Variants in CFAP57 observed in about 807,000 individuals in gnomAD.
CFAP57 encodes cilia- and flagella-associated protein 57.
CFAP57 carries 116 observed loss-of-function variants against 146.8 expected under a neutral mutation model. The ratio of observed to expected loss-of-function variants is 0.79; its 90% CI spans 0.68 to 0.92. CFAP57 has a LOEUF of 0.92. CFAP57 is among the 40% of genes least tolerant of loss of function. The probability of loss-of-function intolerance (pLI) is 0.00; values close to 1 mark genes in which losing one functional copy is unlikely to be tolerated. For missense variants in CFAP57, 1,377 were observed against 1,527.2 expected (o/e 0.90, Z 1.64); for synonymous variants, 518 against 552.8 (o/e 0.94, Z 0.88).
At chr1:43,183,913 A>G (rs1645526324) in intron 4 of CFAP57, 36 bp downstream of exon 4, 3 of 1,612,040 alleles carry the variant, frequency 1.9e-6, no homozygotes, top group East Asian at 2.2e-5. Flanking sequence ...TCCCACATTC[A>G]TTGTACTGAC....
chr1:43,174,288 A>G (rs1452709708), intron 2 of CFAP57, among the ~76,000 whole-genome samples: 6 of 152,160 alleles, frequency 3.9e-5, no homozygotes, highest in African/African-American at 1.4e-4. Flanking sequence ...AAATTTATCA[A>G]CCACATAATA....
At chr1:43,180,241 A>AAT (rs1645347883) in intron 2 of CFAP57, among the ~76,000 whole-genome samples, 2 of 145,704 alleles carry the variant, frequency 1.4e-5, no homozygotes, top group African/African-American at 5.1e-5. Context: ...ATATATATAA[A>AAT]ATATATATAC....
At chr1:43,218,223 T>C (rs1644911639) in intron 12 of CFAP57, among the ~76,000 whole-genome samples, 1 of 152,216 alleles carries the variant, frequency 6.6e-6, no homozygotes, top group East Asian at 1.9e-4. Flanking sequence ...ACCCACTCTG[T>C]CATCAACATT....
intron 9 of CFAP57, among the ~76,000 whole-genome samples, chr1:43,203,292 A>G (rs1410294321): frequency 1.3e-5 from 2 of 152,138 alleles, no homozygotes; most frequent in East Asian, 1.9e-4. Context: ...GGAAAAAAAA[A>G]TAACACTATC....
intron 21 of CFAP57, among the ~76,000 whole-genome samples, chr1:43,239,066 C>A (rs1254793421): frequency 6.6e-6 from 1 of 151,964 alleles, no homozygotes; most frequent in African/African-American, 2.4e-5. Flanking sequence ...CCTCTGTCTC[C>A]CCTGGGGTTG....
At position 43,238,276 on chromosome 1, in the gene CFAP57, T is replaced by C. The variant is rs1645778683; in HGVS notation, c.3405+3638T>C. ...AAGGCATCGACTCAGGCCATGCCATTAGGGGGTGCTGTAGGCATTCCCTTC... is the reference window on the plus strand; with the variant it reads ...AAGGCATCGACTCAGGCCATGCCATCAGGGGGTGCTGTAGGCATTCCCTTC... On this transcript the variant is annotated intron_variant, in intron 21 of 22. Coordinates refer to ENST00000372492, the MANE Select transcript of CFAP57 (RefSeq NM_001378189.1). The surrounding 1 kb of genome is among the most constrained non-coding windows in gnomAD (Gnocchi z 4.3). Among the ~76,000 whole-genome samples the C allele has an allele frequency of 6.6e-6, 1 of 152,174 alleles. No homozygotes were observed. Among genetic ancestry groups the C allele is most frequent in the Admixed American group, 6.5e-5 (1 of 15,276 alleles).
rs760050120 is a variant in CFAP57, at chr1:43,224,090, C to A, written c.2751C>A (p.Ile917=). The A allele has an allele frequency of 6.1e-5, 94 of 1,550,356 alleles. No individual in the cohort carries two copies. The highest frequency in any genetic ancestry group is 7.6e-5 in the Non-Finnish European group (87 of 1,146,970). The change falls in exon 17 of 23, where the codon ATC becomes ATA. Residue 917 remains isoleucine (I), a synonymous_variant. Coordinates refer to ENST00000372492, the MANE Select transcript of CFAP57 (RefSeq NM_001378189.1). ...AGATTGAAGAACGAACCAATGACAT[C>A]GAGACCCTAAAAGGAGAGCAGATGA... is the stretch of plus-strand genomic sequence containing the variant. ...QKEIEERTND[I]ETLKGEQMKL... is the part of the protein sequence containing the mutation.
chr1:43,247,505 G>A (rs1292668395), intron 22 of CFAP57, among the ~76,000 whole-genome samples: 1 of 152,196 alleles, frequency 6.6e-6, no homozygotes, highest in African/African-American at 2.4e-5. Flanking sequence ...AGGCATGTAT[G>A]TGAGATTTGG....
chr1:43,218,498 C>G (rs1018835544), intron 12 of CFAP57, among the ~76,000 whole-genome samples: 1 of 151,870 alleles, frequency 6.6e-6, no homozygotes, highest in Non-Finnish European at 1.5e-5. Context: ...GTCCCAGCTA[C>G]TTGGCAGGCT....
chr1:43,230,648 G>A (rs562093251), intron 18 of CFAP57, among the ~76,000 whole-genome samples: 10 of 152,244 alleles, frequency 6.6e-5, no homozygotes, highest in Admixed American at 5.2e-4. Flanking sequence ...TGTGCAGGCT[G>A]TTCTGTCTGC....
chr1:43,227,288 G>A (rs530393227), intron 18 of CFAP57, among the ~76,000 whole-genome samples, 162 bp downstream of exon 18: 16 of 152,358 alleles, frequency 1.1e-4, no homozygotes, highest in Admixed American at 5.2e-4. Context: ...AGGGAAGGCC[G>A]TGGCCCCGCT....
At chr1:43,173,035 G>A in intron 2 of CFAP57, 125 bp downstream of exon 2, 1 of 825,728 alleles carries the variant, frequency 1.2e-6, no homozygotes, top group Non-Finnish European at 2.0e-6. Context: ...TATTATAAAT[G>A]TAGAGGAAAT....
chr1:43,244,537 C>A (rs1237726065), intron 22 of CFAP57, among the ~76,000 whole-genome samples: 1 of 152,128 alleles, frequency 6.6e-6, no homozygotes, highest in African/African-American at 2.4e-5. Context: ...CAAGAGTAAA[C>A]CCTGAGTAGT....
chr1:43,253,691 C>T (rs1039137509), intron 22 of CFAP57, among the ~76,000 whole-genome samples: 3 of 152,004 alleles, frequency 2.0e-5, no homozygotes, highest in Admixed American at 6.6e-5. Context: ...AAGGGGCAGC[C>T]TCCATGGGTG....
rs763435115 is a variant in CFAP57, at chr1:43,183,834, A to G, written c.718A>G (p.Thr240Ala). Reference protein sequence around the residue: ...WETSIMVKEPTNGSKSLDVIQ... With the variant: ...WETSIMVKEPANGSKSLDVIQ... ...GACCAGCATAATGGTCAAGGAACCT[A>G]CCAATGGCTCAAAGAGCCTGGATGT... The change falls in exon 4 of 23, where the codon ACC (threonine) becomes GCC (alanine). Residue 240 changes from threonine (T) to alanine (A), a missense_variant. Physicochemically the swap from Thr to Ala is moderately conservative, Grantham distance 58. Transcript: ENST00000372492. 3.7e-6 allele frequency: 6 copies of G among 1,614,188 alleles called. No individual in the cohort carries two copies. Among genetic ancestry groups the G allele is most frequent in the Non-Finnish European group, 5.1e-6 (6 of 1,180,014 alleles).
At chr1:43,172,569 G>A (rs566824556) in intron 1 of CFAP57, 116 bp downstream of exon 1, 2 of 755,874 alleles carry the variant, frequency 2.6e-6, no homozygotes, top group African/African-American at 3.5e-5. Flanking sequence ...CCCCGGGGGA[G>A]GGGAAAGGGG....
Position 43,234,345 on chromosome 1 carries a change from C to G in CFAP57, c.3193C>G (p.Gln1065Glu). The G allele has an allele frequency of 1.3e-6, 2 of 1,550,392 alleles. No individual in the cohort carries two copies. The highest frequency in any genetic ancestry group is 1.7e-6 in the Non-Finnish European group (2 of 1,146,954). ...CCTCCACAACTGCGTAGCCTATATT[C>G]AGGAACCGCGGCTGCTGAAGGAGAA... ...TDLHNCVAYI[Q>E]EPRLLKEKVR... Residue 1065 changes from glutamine to glutamate, a missense_variant, in exon 20 of 23, where the codon CAG becomes GAG. Gln to Glu is a conservative substitution (Grantham distance 29). Transcript: ENST00000372492.
At chr1:43,220,366 A>G (rs367967794) in intron 13 of CFAP57, among the ~76,000 whole-genome samples, 1 of 152,232 alleles carries the variant, frequency 6.6e-6, no homozygotes, top group Non-Finnish European at 1.5e-5. Flanking sequence ...TGGCCTTTAC[A>G]TAGTTAGATT....
In CFAP57 at chr1:43,232,631, G is replaced by T; in HGVS notation, c.3126+7G>T. On this transcript the variant is annotated splice_region_variant and intron_variant, in intron 19 of 22. Transcript: ENST00000372492. ...GCGCAGAGAGAGACAGAAGGTGTGA[G>T]GGTTTCAGAGTCTGGCAGTTCTTGG... The T allele has an allele frequency of 6.6e-7, 1 of 1,518,734 alleles. No homozygotes were observed. The highest frequency in any genetic ancestry group is 8.9e-7 in the Non-Finnish European group (1 of 1,123,810). The allele number at this position is 1,518,734 out of a possible 1,614,324, so 94.1% of individuals were successfully genotyped here.
Sources: gnomAD v4.1 joint callset for allele counts (sites outside exome capture counted in the v4.1 genomes callset) on GRCh38, gnomAD v4.1.1 for gene constraint, Gnocchi (gnomAD v3.1) non-coding constraint, MANE v1.5 for transcripts, NCBI Gene and HGNC (gene_info 2026-07-23, HGNC 2026-07-21) for gene names.